PARD3B: variants seen among roughly 807,000 people sequenced by gnomAD.
PARD3B encodes the protein partitioning defective 3 homolog B.
In PARD3B, 103 loss-of-function variants were observed where a neutral mutation model predicts 130.2. The observed-to-expected ratio is 0.79, with a 90% CI of 0.67 to 0.93. PARD3B has a LOEUF of 0.93. Among genes scored for constraint, PARD3B ranks in the 40% least tolerant of loss-of-function variants. PARD3B has a pLI of 0.00. For missense variants in PARD3B, 1,609 were observed against 1,499.2 expected, an observed-to-expected ratio of 1.07 and a Z score of -1.21; for synonymous variants, 583 against 553.2, an observed-to-expected ratio of 1.05 and a Z score of -0.76.
chr2:205,218,112 C>G (rs1164204094), intron 15 of PARD3B, among the ~76,000 whole-genome samples: 2 of 151,516 alleles, frequency 1.3e-5, no homozygotes, highest in Non-Finnish European at 2.9e-5. Context: ...AGGCTGGTCT[C>G]GAACTCCTGA....
rs116395274 is a variant in PARD3B at position 205,434,827 on chromosome 2, T to C, written c.2742-5543T>C. Among the ~76,000 whole-genome samples, 1,057 of 152,068 alleles carry C rather than the reference T, an allele frequency of 7.0e-3. 10 individuals carry two copies. Among genetic ancestry groups the C allele is most frequent in the African/African-American group, 0.022 (903 of 41,506 alleles). ...ATGCCTTTTGGTACAGGGTATTTAA[T>C]GTTTTCAAAAACATTTTTATTCACT... On this transcript the variant is annotated intron_variant, in intron 19 of 22. Coordinates refer to ENST00000406610, the MANE Select transcript of PARD3B (RefSeq NM_001302769.2).
At chr2:204,735,550 C>G (rs560225234) in intron 2 of PARD3B, among the ~76,000 whole-genome samples, 3 of 152,070 alleles carry the variant, frequency 2.0e-5, no homozygotes, top group African/African-American at 7.2e-5. Flanking sequence ...AATAAGAAAA[C>G]AGGAAAGAAA....
intron 20 of PARD3B, among the ~76,000 whole-genome samples, chr2:205,462,809 G>T (rs1185049852): frequency 1.3e-5 from 2 of 152,166 alleles, no homozygotes; most frequent in African/African-American, 4.8e-5. Flanking sequence ...CAAATTGATT[G>T]CAGACTCTTA....
intron 19 of PARD3B, among the ~76,000 whole-genome samples, chr2:205,416,093 G>T (rs1010577753): frequency 1.3e-5 from 2 of 152,024 alleles, no homozygotes; most frequent in African/African-American, 4.8e-5. Context: ...ACTAGCTGAG[G>T]AGTAGGGGGC....
intron 18 of PARD3B, among the ~76,000 whole-genome samples, chr2:205,358,877 T>C (rs930522774): frequency 6.6e-6 from 1 of 152,206 alleles, no homozygotes; most frequent in Admixed American, 6.5e-5. Flanking sequence ...CCTTAAGACA[T>C]CTTTCTTGTC....
chr2:204,655,466 C>T (rs2035609552), intron 1 of PARD3B, among the ~76,000 whole-genome samples: 1 of 152,094 alleles, frequency 6.6e-6, no homozygotes, highest in South Asian at 2.1e-4. Context: ...TGCTGTTACG[C>T]AAGTGCCAAA....
At chr2:204,715,788 C>T (rs193226305) in intron 2 of PARD3B, among the ~76,000 whole-genome samples, 104 of 152,300 alleles carry the variant, frequency 6.8e-4, no homozygotes, top group Admixed American at 2.2e-3. Context: ...TACTCCCGTA[C>T]ATCTTCTGTG....
At chr2:205,542,354 TTGTGTGTGTGTGTGTGTGTGTGTGTG>T (rs143438143) in intron 21 of PARD3B, among the ~76,000 whole-genome samples, 1 of 145,106 alleles carries the variant, frequency 6.9e-6, no homozygotes, top group Non-Finnish European at 1.5e-5. Context: ...TAGTTTGTGT[TTGTGTGTGTGTGTGTGTGTGTGTGTG>T]TGTATGTATG....
chr2:205,172,649 A>T (rs1244884946), intron 12 of PARD3B, among the ~76,000 whole-genome samples: 1 of 152,172 alleles, frequency 6.6e-6, no homozygotes, highest in Non-Finnish European at 1.5e-5. Flanking sequence ...GTTCATAAAC[A>T]TCTTTATATA....
rs140525978 is a variant in PARD3B, at chr2:204,821,792, A to T, written c.222+135510A>T. On this transcript the variant is annotated intron_variant, in intron 2 of 22. Transcript: ENST00000406610. ...CTTTGCCTGCCACCATCCATGTGAG[A>T]CGTGACTAGCTTCTTCTTGCCTTCC... Among the ~76,000 whole-genome samples the T allele has an allele frequency of 5.2e-3, 794 of 152,244 alleles. 4 individuals are homozygous for T. Among genetic ancestry groups the T allele is most frequent in the Non-Finnish European group, 8.6e-3 (585 of 68,014 alleles).
Position 205,301,640 on chromosome 2 carries a change from A to G in PARD3B, c.2569A>G (p.Lys857Glu), listed in dbSNP as rs761178202. 6.2e-7 allele frequency: 1 copy of G among 1,613,438 alleles called. No individual in the cohort carries two copies. The highest frequency in any genetic ancestry group is 1.3e-5 in the African/African-American group (1 of 74,898). ...GKLKVKEKKR[K>E]EENEDPERKI... ...ATTGAAAGTCAAGGAGAAAAAGCGC[A>G]AAGAGGAGAATGAAGATCCAGAAAG... The change falls in exon 18 of 23, where the codon AAA becomes GAA. Residue 857 changes from lysine to glutamate, a missense_variant. Transcript: ENST00000406610. This position sits in a 1 kb window ranked among gnomAD's most constrained non-coding sequence, Gnocchi z 5.2.
chr2:205,424,184 G>A (rs917110505), intron 19 of PARD3B, among the ~76,000 whole-genome samples: 2 of 152,256 alleles, frequency 1.3e-5, no homozygotes, highest in African/African-American at 4.8e-5. Flanking sequence ...TGTACCCTCT[G>A]TGTCTTTTTA....
chr2:204,829,663 T>A (rs1298441672), intron 2 of PARD3B, among the ~76,000 whole-genome samples: 1 of 152,136 alleles, frequency 6.6e-6, no homozygotes, highest in Non-Finnish European at 1.5e-5. Context: ...CTTGCTGTTC[T>A]AGTGATAGTG....
At chr2:205,337,369 T>C (rs1458128804) in intron 18 of PARD3B, among the ~76,000 whole-genome samples, 1 of 152,244 alleles carries the variant, frequency 6.6e-6, no homozygotes, top group Non-Finnish European at 1.5e-5. Context: ...ATAGATGTAT[T>C]TTGAACATGG....
At chr2:204,915,929 G>A (rs2047424582) in intron 2 of PARD3B, among the ~76,000 whole-genome samples, 1 of 152,148 alleles carries the variant, frequency 6.6e-6, no homozygotes, top group Non-Finnish European at 1.5e-5. Context: ...CTGTGAATTT[G>A]ACTGCTGGAA....
intron 15 of PARD3B, among the ~76,000 whole-genome samples, chr2:205,221,933 C>G (rs1426962620): frequency 6.6e-6 from 1 of 151,974 alleles, no homozygotes; most frequent in Admixed American, 6.6e-5. Context: ...AGGGGAACAA[C>G]ACACTCTGGG....
intron 2 of PARD3B, among the ~76,000 whole-genome samples, chr2:204,962,966 GC>G (rs886298763): frequency 2.6e-5 from 4 of 152,126 alleles, no homozygotes; most frequent in African/African-American, 9.7e-5. Flanking sequence ...GTTACGTTTT[GC>G]CTGTGTCTCC....
chr2:205,278,809 C>A (rs1212450628), intron 16 of PARD3B, among the ~76,000 whole-genome samples: 1 of 152,052 alleles, frequency 6.6e-6, no homozygotes, highest in East Asian at 1.9e-4. Context: ...GTGGCTCACA[C>A]GTGTAATCCC....
intron 2 of PARD3B, among the ~76,000 whole-genome samples, chr2:204,811,513 T>C (rs1485697232): frequency 6.6e-6 from 1 of 152,116 alleles, no homozygotes; most frequent in Non-Finnish European, 1.5e-5. Flanking sequence ...TCTGGATCCA[T>C]TAGGGCTGTG....
Sources: gnomAD v4.1 joint callset for allele counts (sites outside exome capture counted in the v4.1 genomes callset) on GRCh38, gnomAD v4.1.1 for gene constraint, Gnocchi (gnomAD v3.1) non-coding constraint, MANE v1.5 for transcripts, NCBI Gene and HGNC (gene_info 2026-07-23, HGNC 2026-07-21) for gene names.